Variants in NFKB2 observed in about 807,000 individuals in gnomAD.
NFKB2 encodes the protein nuclear factor kappa B subunit 2.
A neutral mutation model predicts 109.3 loss-of-function variants in NFKB2; 21 were observed. That is an observed-to-expected ratio of 0.19 (90% CI 0.14 to 0.28). The LOEUF (loss-of-function observed/expected upper bound fraction) is 0.28, where lower values mean the gene tolerates loss of function less well. Ranked by LOEUF, NFKB2 falls within the 10% of genes least tolerant of loss-of-function variation. NFKB2 has a pLI of 1.00. For synonymous variants in NFKB2, 478 were observed against 489.9 expected (o/e 0.98, Z 0.32); for missense variants, 806 against 1,185.3 (o/e 0.68, Z 4.70).
At position 102,401,781 on chromosome 10, in the gene NFKB2, A is replaced by G. The variant is rs1252213595; in HGVS notation, c.2330A>G (p.Asn777Ser). 6.2e-7 allele frequency: 1 copy of G among 1,612,514 alleles called. No individual in the cohort carries two copies. The highest frequency in any genetic ancestry group is 8.5e-7 in the Non-Finnish European group (1 of 1,179,382). Residue 777 changes from asparagine (N) to serine (S), a missense_variant, in exon 21 of 23, where the codon AAC becomes AGC. Transcript: ENST00000661543. The surrounding 1 kb of genome is among the most constrained non-coding windows in gnomAD (Gnocchi z 4.2). ...TCACTTGGTGATACAGCTCTGCAGA[A>G]CCTGGAGCAGCTGCTAGACGGGCCA... ...GLSLGDTALQ[N>S]LEQLLDGPEA...
At position 102,397,769 on chromosome 10, in the gene NFKB2, C is replaced by A; in HGVS notation, c.661+84C>A. On this transcript the variant is annotated intron_variant, in intron 8 of 22. Coordinates refer to ENST00000661543, the MANE Select transcript of NFKB2 (RefSeq NM_001322934.2). The surrounding 1 kb of genome is among the most constrained non-coding windows in gnomAD (Gnocchi z 4.7). Reference sequence around the variant, plus strand: ...ACCTCAAGCTGTGCAGTCAAACAGACCCAGGTTTCAGAACCTGGCCCTGCC... The same window carrying A: ...ACCTCAAGCTGTGCAGTCAAACAGAACCAGGTTTCAGAACCTGGCCCTGCC... 1 of 1,517,118 alleles carries A rather than the reference C, an allele frequency of 6.6e-7. No homozygotes were observed. The highest frequency in any genetic ancestry group is 9.0e-7 in the Non-Finnish European group (1 of 1,116,762). 94.0% of individuals were successfully genotyped at this position (1,517,118 alleles called of 1,614,324 possible).
chr10:102,400,639 C>T lies in NFKB2; in HGVS notation c.1799-16C>T. ...TTAAGGGTCACAGCTGCAGGTTGAG[C>T]ATCCTGCATCCTTAGGACTGTATCC... On this transcript the variant is annotated splice_polypyrimidine_tract_variant and intron_variant, in intron 16 of 22. Coordinates refer to ENST00000661543, the MANE Select transcript of NFKB2 (RefSeq NM_001322934.2). This position sits in a 1 kb window ranked among gnomAD's most constrained non-coding sequence, Gnocchi z 6.3. 6.2e-7 allele frequency: 1 copy of T among 1,612,556 alleles called. No homozygotes were observed. The highest frequency in any genetic ancestry group is 8.5e-7 in the Non-Finnish European group (1 of 1,178,996).
In NFKB2 at chr10:102,395,967, G is replaced by T. The variant is rs778625681; in HGVS notation, c.8G>T (p.Ser3Ile). The part of the protein sequence containing the change: ME[S>I]CYNPGLDGII... ...CGGGCCTAGCCCAGAGACATGGAGA[G>T]TTGCTACAACCCAGTGAGTCATGCC... Residue 3 changes from serine to isoleucine, a missense_variant, in exon 2 of 23, where the codon AGT becomes ATT. Physicochemically the swap from Ser to Ile is moderately radical, Grantham distance 142. Transcript: ENST00000661543. 1.2e-6 allele frequency: 2 copies of T among 1,612,860 alleles called. No homozygotes were observed. The highest frequency in any genetic ancestry group is 1.7e-6 in the Non-Finnish European group (2 of 1,180,006).
Position 102,401,146 on chromosome 10 carries a change from A to G in NFKB2, c.2072-34A>G. The G allele has an allele frequency of 6.3e-7, 1 of 1,598,890 alleles. No individual in the cohort carries two copies. The highest frequency in any genetic ancestry group is 8.5e-7 in the Non-Finnish European group (1 of 1,169,648). On this transcript the variant is annotated intron_variant, in intron 18 of 22. Transcript: ENST00000661543. This position sits in a 1 kb window ranked among gnomAD's most constrained non-coding sequence, Gnocchi z 4.2. Reference sequence around the variant, plus strand: ...TTTGCAGTCCTTAATGTAGGCCCCCACCATACCGCCCCATGACGGCCTCCC... The same window carrying G: ...TTTGCAGTCCTTAATGTAGGCCCCCGCCATACCGCCCCATGACGGCCTCCC...
rs1301834342 is a variant in NFKB2, at chr10:102,396,525, A to G, written c.144+36A>G. On this transcript the variant is annotated intron_variant, in intron 4 of 22. Transcript: ENST00000661543. The surrounding 1 kb of genome is among the most constrained non-coding windows in gnomAD (Gnocchi z 5.9). The stretch of plus-strand genomic sequence containing the variant: ...AAAAGGGAGGGTGTGGAATGGCTTC[A>G]GCTTTGGGGACAAATGGGGTAGTGG... The G allele has an allele frequency of 6.2e-7, 1 of 1,613,474 alleles. No individual in the cohort carries two copies. Among genetic ancestry groups the G allele is most frequent in the Middle Eastern group, 1.7e-4 (1 of 5,782 alleles).
Position 102,398,998 on chromosome 10 carries a change from A to C in NFKB2, c.1117+134A>C. On this transcript the variant is annotated intron_variant, in intron 12 of 22. Transcript: ENST00000661543. The surrounding 1 kb of genome is among the most constrained non-coding windows in gnomAD (Gnocchi z 6.6). ...GAGGCCAAGGCAGGCAGATTACCTG[A>C]GATCAGGAGTTCAAGACCAGCTTGG... 2 of 1,009,322 alleles carry C rather than the reference A, an allele frequency of 2.0e-6. No homozygotes were observed. Among genetic ancestry groups the C allele is most frequent in the Non-Finnish European group, 2.9e-6 (2 of 701,052 alleles). The allele number at this position is 1,009,322 out of a possible 1,614,324, so 62.5% of individuals were successfully genotyped here. A position where few individuals can be genotyped will look rare whatever the true frequency, so the allele number is the denominator to read the frequency against.
Position 102,395,922 on chromosome 10 carries a change from C to T in NFKB2, c.-38C>T. On this transcript the variant is annotated 5_prime_UTR_variant, in exon 2 of 23. Coordinates refer to ENST00000661543, the MANE Select transcript of NFKB2 (RefSeq NM_001322934.2). ...TAAAATTCTGGGAAGCAGAACCTGG[C>T]CGGAGCCACTAGACAGAGCCGGGCC... is the stretch of plus-strand genomic sequence containing the variant. 1.2e-6 allele frequency: 2 copies of T among 1,603,090 alleles called. No homozygotes were observed.
Position 102,398,822 on chromosome 10 carries a change from G to A in NFKB2, c.1075G>A (p.Gly359Ser), listed in dbSNP as rs781598288. 3 of 1,608,706 alleles carry A rather than the reference G, an allele frequency of 1.9e-6. No individual in the cohort carries two copies. The highest frequency in any genetic ancestry group is 2.5e-6 in the Non-Finnish European group (3 of 1,177,592). Residue 359 changes from glycine (G) to serine (S), a missense_variant, in exon 12 of 23, where the codon GGC (glycine) becomes AGC (serine). This residue lies in a region of NFKB2 where 209 missense variants were observed against 211.9 expected (regional missense o/e 0.99). Transcript: ENST00000661543. The surrounding 1 kb of genome is among the most constrained non-coding windows in gnomAD (Gnocchi z 6.6). ...PFGGGSHMGGGSGGAAGGYGG... is the reference protein window; with the variant it reads ...PFGGGSHMGGSSGGAAGGYGG... The stretch of plus-strand genomic sequence containing the variant: ...CGGGGGTGGCTCCCACATGGGTGGA[G>A]GCTCTGGGGGTGCAGCCGGGGGCTA...
At position 102,401,546 on chromosome 10, in the gene NFKB2, G is replaced by C. The variant is rs369049521; in HGVS notation, c.2293+28G>C. 1 of 1,606,514 alleles carries C rather than the reference G, an allele frequency of 6.2e-7. No homozygotes were observed. Among genetic ancestry groups the C allele is most frequent in the South Asian group, 1.1e-5 (1 of 90,890 alleles). On this transcript the variant is annotated intron_variant, in intron 20 of 22. Transcript: ENST00000661543. The surrounding 1 kb of genome is among the most constrained non-coding windows in gnomAD (Gnocchi z 4.2). The stretch of plus-strand genomic sequence containing the variant: ...GAGAAGCATCAGGCATCCCCAGCCC[G>C]ACTCCTCTGACTCCTCACAGAGGTC...
At chr10:102,399,939 G>A (rs11574849) in intron 14 of NFKB2, 141 bp from the exon 15 acceptor site, 65,240 of 1,069,208 alleles carry the variant, frequency 0.061, 2,463 homozygotes, top group African/African-American at 0.14. Flanking sequence ...GCTGCGAAAC[G>A]TTAAGTGCAG....
chr10:102,399,796 T>C, intron 14 of NFKB2, 78 bp downstream of exon 14: 3 of 1,429,756 alleles, frequency 2.1e-6, no homozygotes, highest in Non-Finnish European at 1.8e-6. Flanking sequence ...GGCTCTGCAG[T>C]TTTCGGACAC....
chr10:102,402,273 C>A lies in NFKB2; in HGVS notation c.2600C>A (p.Ala867Glu). 1 of 1,555,230 alleles carries A rather than the reference C, an allele frequency of 6.4e-7. No homozygotes were observed. Residue 867 changes from alanine to glutamate, a missense_variant, in exon 23 of 23, where the codon GCG (alanine) becomes GAG (glutamate). Coordinates refer to ENST00000661543, the MANE Select transcript of NFKB2 (RefSeq NM_001322934.2). ...PSTAEVKEDSAYGSQSVEQEA... is the reference protein window; with the variant it reads ...PSTAEVKEDSEYGSQSVEQEA... ...CCAGCAGAGGTGAAGGAAGACAGTG[C>A]GTACGGGAGCCAGTCAGTGGAGCAG... is the stretch of plus-strand genomic sequence containing the variant.
In NFKB2 at chr10:102,402,319, A is replaced by AC; in HGVS notation, c.2651dup (p.Glu885Ter). 1 of 1,567,562 alleles carries AC rather than the reference A, an allele frequency of 6.4e-7. No homozygotes were observed. Among genetic ancestry groups the AC allele is most frequent in the South Asian group, 1.2e-5 (1 of 85,276 alleles). ...AGCAGGAGGCAGAGAAGCTGGGCCC[A>AC]CCCCCTGAGCCACCAGGAGGGCTCT... On this transcript the variant is annotated frameshift_variant, in exon 23 of 23. Transcript: ENST00000661543. LOFTEE classifies it high-confidence loss of function.
chr10:102,397,761 C>A lies in NFKB2; in HGVS notation c.661+76C>A. On this transcript the variant is annotated intron_variant, in intron 8 of 22. Coordinates refer to ENST00000661543, the MANE Select transcript of NFKB2 (RefSeq NM_001322934.2). This position sits in a 1 kb window ranked among gnomAD's most constrained non-coding sequence, Gnocchi z 4.7. ...GAGGGGTGACCTCAAGCTGTGCAGTCAAACAGACCCAGGTTTCAGAACCTG... is the reference window on the plus strand; with the variant it reads ...GAGGGGTGACCTCAAGCTGTGCAGTAAAACAGACCCAGGTTTCAGAACCTG... 2 of 1,531,156 alleles carry A rather than the reference C, an allele frequency of 1.3e-6. No individual in the cohort carries two copies. Among genetic ancestry groups the A allele is most frequent in the South Asian group, 2.4e-5 (2 of 82,742 alleles). 94.8% of individuals were successfully genotyped at this position (1,531,156 alleles called of 1,614,324 possible).
chr10:102,400,963 A>G lies in NFKB2; in HGVS notation c.1985A>G (p.Asn662Ser). 1 of 1,613,616 alleles carries G rather than the reference A, an allele frequency of 6.2e-7. No homozygotes were observed. The highest frequency in any genetic ancestry group is 8.5e-7 in the Non-Finnish European group (1 of 1,179,816). Residue 662 changes from asparagine (N) to serine (S), a missense_variant, in exon 18 of 23, where the codon AAC becomes AGC. Around this residue, in one of 10 missense-constraint regions of NFKB2, gnomAD observed 24 missense variants for 23.5 expected, o/e 1.02. Coordinates refer to ENST00000661543, the MANE Select transcript of NFKB2 (RefSeq NM_001322934.2). The surrounding 1 kb of genome is among the most constrained non-coding windows in gnomAD (Gnocchi z 6.3). Reference sequence around the variant, plus strand: ...CACCCCCAGCTCCGGGCCAACGTGAACGCTCGCACCTTTGCGGGAAACACA... The same window carrying G: ...CACCCCCAGCTCCGGGCCAACGTGAGCGCTCGCACCTTTGCGGGAAACACA... ...HLVTKLRANV[N>S]ARTFAGNTPL... is the part of the protein sequence containing the mutation.
In NFKB2 at chr10:102,399,571, C is replaced by T. The variant is rs929188958; in HGVS notation, c.1328-6C>T. ...AGCCCTGACCCACGCCCTCTGTGGC[C>T]CGTAGCTCGAGAGTACAACGCGCGC... On this transcript the variant is annotated splice_region_variant and splice_polypyrimidine_tract_variant and intron_variant, in intron 13 of 22. Transcript: ENST00000661543. 10 of 1,549,510 alleles carry T rather than the reference C, an allele frequency of 6.5e-6. No homozygotes were observed. Among genetic ancestry groups the T allele is most frequent in the Non-Finnish European group, 8.7e-6 (10 of 1,147,148 alleles).
At position 102,398,559 on chromosome 10, in the gene NFKB2, G is replaced by C. The variant is rs201296220; in HGVS notation, c.991+36G>C. On this transcript the variant is annotated intron_variant, in intron 11 of 22. Coordinates refer to ENST00000661543, the MANE Select transcript of NFKB2 (RefSeq NM_001322934.2). The surrounding 1 kb of genome is among the most constrained non-coding windows in gnomAD (Gnocchi z 6.6). ...GCTGAGGACCTCAGGGTGCTGGCGGGGGGCCAGGCTGGGCTAGAAGAAGGT... is the reference window on the plus strand; with the variant it reads ...GCTGAGGACCTCAGGGTGCTGGCGGCGGGCCAGGCTGGGCTAGAAGAAGGT... 3 of 1,610,528 alleles carry C rather than the reference G, an allele frequency of 1.9e-6. No homozygotes were observed. The highest frequency in any genetic ancestry group is 2.5e-6 in the Non-Finnish European group (3 of 1,177,612).
chr10:102,402,283 C>T lies in NFKB2; in HGVS notation c.2610C>T (p.Ser870=), dbSNP rs1310995922. ...TGAAGGAAGACAGTGCGTACGGGAG[C>T]CAGTCAGTGGAGCAGGAGGCAGAGA... is the stretch of plus-strand genomic sequence containing the variant. ...AEVKEDSAYG[S]QSVEQEAEKL... is the part of the protein sequence containing the mutation. Residue 870 remains serine (S), a synonymous_variant, in exon 23 of 23, where the codon AGC becomes AGT. Coordinates refer to ENST00000661543, the MANE Select transcript of NFKB2 (RefSeq NM_001322934.2). 6.4e-7 allele frequency: 1 copy of T among 1,558,744 alleles called. No homozygotes were observed. The highest frequency in any genetic ancestry group is 8.7e-7 in the Non-Finnish European group (1 of 1,151,010).
chr10:102,401,435 G>T lies in NFKB2; in HGVS notation c.2224-14G>T. On this transcript the variant is annotated splice_polypyrimidine_tract_variant and intron_variant, in intron 19 of 22. Coordinates refer to ENST00000661543, the MANE Select transcript of NFKB2 (RefSeq NM_001322934.2). The surrounding 1 kb of genome is among the most constrained non-coding windows in gnomAD (Gnocchi z 4.2). ...CGAGGTGGGAGGTAGTCAGAACTGC[G>T]GCTGTCTCCCCAGGTGAAGACCTTG... 6.2e-7 allele frequency: 1 copy of T among 1,613,776 alleles called. No homozygotes were observed. The highest frequency in any genetic ancestry group is 8.5e-7 in the Non-Finnish European group (1 of 1,179,922).
Sources: gnomAD v4.1 joint callset for allele counts on GRCh38, gnomAD v4.1.1 for gene constraint, gnomAD v4.1.1 regional missense constraint, Gnocchi (gnomAD v3.1) non-coding constraint, MANE v1.5 for transcripts, NCBI Gene and HGNC (gene_info 2026-07-23, HGNC 2026-07-21) for gene names.